Variants in PDE4D observed in about 807,000 individuals in gnomAD.
PDE4D encodes the protein phosphodiesterase 4D, also known as 3',5'-cyclic-AMP phosphodiesterase 4D.
In PDE4D, 24 loss-of-function variants were observed where a neutral mutation model predicts 87.4. The observed-to-expected ratio is 0.27, with a 90% CI of 0.20 to 0.39. PDE4D has a LOEUF of 0.39. PDE4D is among the 10% of genes least tolerant of loss of function. The probability of loss-of-function intolerance (pLI) is 1.00; values close to 1 mark genes in which losing one functional copy is unlikely to be tolerated. For missense variants in PDE4D, 714 were observed against 1,041.0 expected (o/e 0.69, Z 4.32); for synonymous variants, 384 against 383.2 (o/e 1.00, Z -0.02).
At chr5:59,939,388 T>C (rs1756939515) in intron 3 of PDE4D, among the ~76,000 whole-genome samples, 1 of 152,226 alleles carries the variant, frequency 6.6e-6, no homozygotes, top group Admixed American at 6.5e-5. Flanking sequence ...GTGAATGGCC[T>C]AGGCACTGAG....
intron 1 of PDE4D, among the ~76,000 whole-genome samples, chr5:59,363,204 C>G (rs1582166551): frequency 6.6e-6 from 1 of 152,142 alleles, no homozygotes; most frequent in Admixed American, 6.5e-5. Context: ...TTGCAAAGAG[C>G]TTTTGAGAGG....
At position 59,275,647 on chromosome 5, in the gene PDE4D, T is replaced by G. The variant is rs566627077; in HGVS notation, c.456-59679A>C. The G allele has an allele frequency of 3.3e-5, 40 of 1,216,934 alleles. No homozygotes were observed. The South Asian group carries it at 1.1e-3, about 34-fold the overall frequency. 75.4% of individuals were successfully genotyped at this position (1,216,934 alleles called of 1,614,324 possible). A position where few individuals can be genotyped will look rare whatever the true frequency, so the allele number is the denominator to read the frequency against. ...GTACTAGGCTGTTAGGAAGTGACAG[T>G]TTCTTCTGTGTCTTGCAATGCCAAG... On this transcript the variant is annotated intron_variant, in intron 1 of 14. Coordinates refer to ENST00000340635, the MANE Select transcript of PDE4D (RefSeq NM_001104631.2).
At chr5:59,544,769 C>A (rs1158901138) in intron 1 of PDE4D, among the ~76,000 whole-genome samples, 6 of 152,140 alleles carry the variant, frequency 3.9e-5, no homozygotes, top group Admixed American at 3.9e-4. Context: ...TATGTAGTGT[C>A]AATGTGTGTC....
chr5:60,370,871 G>T (rs1343453030), intron 1 of PDE4D, among the ~76,000 whole-genome samples: 1 of 151,804 alleles, frequency 6.6e-6, no homozygotes, highest in Non-Finnish European at 1.5e-5. Context: ...GAGAGAGAAG[G>T]CGATTTTAGT....
chr5:59,622,023 C>T (rs1830406005), intron 1 of PDE4D, among the ~76,000 whole-genome samples: 1 of 152,066 alleles, frequency 6.6e-6, no homozygotes. Context: ...CAAGTATTGC[C>T]TCTTTTTAAA....
intron 2 of PDE4D, among the ~76,000 whole-genome samples, chr5:60,143,544 G>A (rs1282646134): frequency 6.6e-6 from 1 of 151,460 alleles, no homozygotes; most frequent in Non-Finnish European, 1.5e-5. Flanking sequence ...TTTAAAGAAC[G>A]CCATTGCCTG....
intron 1 of PDE4D, among the ~76,000 whole-genome samples, chr5:60,418,481 T>A (rs556074507): frequency 6.6e-6 from 1 of 151,722 alleles, no homozygotes; most frequent in Admixed American, 6.6e-5. Flanking sequence ...AAATCGCTGC[T>A]GCTTATCTTA....
intron 2 of PDE4D, among the ~76,000 whole-genome samples, chr5:60,050,446 G>C (rs146787415): frequency 6.6e-6 from 1 of 152,152 alleles, no homozygotes; most frequent in Non-Finnish European, 1.5e-5. Flanking sequence ...AGCTTCAAAC[G>C]TGAAGGAGAA....
At chr5:60,078,573 G>T (rs896539016) in intron 2 of PDE4D, among the ~76,000 whole-genome samples, 3 of 152,196 alleles carry the variant, frequency 2.0e-5, no homozygotes, top group South Asian at 2.1e-4. Context: ...GGTGTGTGTT[G>T]TTCCCTCTCT....
intron 1 of PDE4D, among the ~76,000 whole-genome samples, chr5:60,326,441 C>A (rs543463795): frequency 3.0e-4 from 46 of 152,208 alleles, no homozygotes; most frequent in African/African-American, 1.1e-3. Context: ...ACACTAGACA[C>A]TTTAATTCAG....
chr5:59,511,098 A>T (rs1216907295), intron 1 of PDE4D, among the ~76,000 whole-genome samples: 1 of 151,980 alleles, frequency 6.6e-6, no homozygotes, highest in Non-Finnish European at 1.5e-5. Flanking sequence ...AATTTGACCT[A>T]GTAATCCCAG....
At chr5:59,614,717 A>G (rs1407363452) in intron 1 of PDE4D, among the ~76,000 whole-genome samples, 3 of 152,216 alleles carry the variant, frequency 2.0e-5, no homozygotes, top group Non-Finnish European at 2.9e-5. Context: ...TAATGGATGA[A>G]AAGTTTTAAA....
chr5:60,206,573 G>A (rs1023048694), intron 1 of PDE4D, among the ~76,000 whole-genome samples: 1 of 152,160 alleles, frequency 6.6e-6, no homozygotes, highest in Non-Finnish European at 1.5e-5. Context: ...TGGAAGTTTG[G>A]TGTTCAAATT....
intron 5 of PDE4D, among the ~76,000 whole-genome samples, chr5:59,179,907 T>A (rs543168151): frequency 6.6e-6 from 1 of 152,210 alleles, no homozygotes; most frequent in Non-Finnish European, 1.5e-5. Flanking sequence ...AATGAGATCA[T>A]GCATTCTGTT....
intron 2 of PDE4D, among the ~76,000 whole-genome samples, chr5:60,041,549 C>G (rs1015100042): frequency 2.0e-5 from 3 of 152,194 alleles, no homozygotes; most frequent in African/African-American, 7.2e-5. Context: ...CTGCAGCTCC[C>G]AGCGAGACCA....
chr5:58,999,478 G>GT (rs775585136), intron 6 of PDE4D: 1 of 1,466,826 alleles, frequency 6.8e-7, no homozygotes, highest in Non-Finnish European at 9.3e-7. Context: ...CAAAAGCTAA[G>GT]TAAGTCTTAC....
chr5:60,403,451 A>G lies in PDE4D; in HGVS notation c.-90+84491T>C, dbSNP rs138383518. On this transcript the variant is annotated intron_variant, in intron 1 of 16. Coordinates refer to the PDE4D transcript ENST00000502484. ...CTTCCACCCTTCCATCCACCTATCT[A>G]TTCAACAAATACTTGCTGAGTGTCC... Among the ~76,000 whole-genome samples the G allele has an allele frequency of 2.0e-4, 30 of 152,338 alleles. No individual in the cohort carries two copies. The East Asian group carries it at 5.6e-3, about 28-fold the overall frequency.
chr5:59,186,930 C>T (rs1034637592), intron 3 of PDE4D, among the ~76,000 whole-genome samples: 5 of 152,128 alleles, frequency 3.3e-5, no homozygotes, highest in South Asian at 2.1e-4. Context: ...GATCCACTGT[C>T]GTTAAATCAT....
At chr5:59,948,285 C>T (rs761327199) in intron 3 of PDE4D, among the ~76,000 whole-genome samples, 3 of 152,080 alleles carry the variant, frequency 2.0e-5, no homozygotes, top group Admixed American at 6.6e-5. Context: ...CCTGAATTTA[C>T]ATAACAATAA....
Sources: allele counts gnomAD v4.1 joint callset (sites outside exome capture counted in the v4.1 genomes callset), GRCh38; gene constraint gnomAD v4.1.1; transcripts MANE v1.5; gene names NCBI Gene and HGNC (gene_info 2026-07-23, HGNC 2026-07-21).